HERC4: variants seen among roughly 807,000 people sequenced by gnomAD.
HERC4 encodes the protein HECT and RLD domain containing E3 ubiquitin protein ligase 4, also known as probable E3 ubiquitin-protein ligase HERC4.
In HERC4, 28 loss-of-function variants were observed where a neutral mutation model predicts 124.3. The ratio of observed to expected loss-of-function variants is 0.23; its 90% confidence interval spans 0.17 to 0.31. The LOEUF (loss-of-function observed/expected upper bound fraction) is 0.31. Among genes scored for constraint, HERC4 ranks in the 10% least tolerant of loss-of-function variants. HERC4 has a pLI of 1.00. For synonymous variants in HERC4, 407 were observed against 421.5 expected (o/e 0.97, Z 0.42); for missense variants, 713 against 1,229.3 (o/e 0.58, Z 6.28).
intron 19 of HERC4, among the ~76,000 whole-genome samples, chr10:67,949,802 G>A (rs1299877211): frequency 1.3e-5 from 2 of 152,196 alleles, no homozygotes; most frequent in Admixed American, 6.5e-5. Context: ...TGGATCACTT[G>A]AGGTCAGTAG....
intron 20 of HERC4, among the ~76,000 whole-genome samples, chr10:67,940,192 C>T (rs560809754): frequency 7.9e-5 from 12 of 152,220 alleles, no homozygotes; most frequent in Non-Finnish European, 1.6e-4. Flanking sequence ...TCCCAAAGTG[C>T]TAGGATTACA....
In HERC4 at chr10:68,006,387, T is replaced by G. The variant is rs568589196; in HGVS notation, c.1069+7639A>C. 1.3e-4 allele frequency among the ~76,000 whole-genome samples: 20 copies of G among 151,594 alleles called. No individual in the cohort carries two copies. In the East Asian group the frequency reaches 1.7e-3, roughly 13 times the overall value. On this transcript the variant is annotated intron_variant, in intron 9 of 24. Coordinates refer to ENST00000373700, the MANE Select transcript of HERC4 (RefSeq NM_015601.4). ...TGTTTTTGTTTTTGTTTTTTTTTTT[T>G]TTTTGAGACAGTTTCCTCTTGCTGT...
At chr10:68,002,901 T>A (rs2037315434) in intron 9 of HERC4, among the ~76,000 whole-genome samples, 1 of 151,698 alleles carries the variant, frequency 6.6e-6, no homozygotes, top group Non-Finnish European at 1.5e-5. Flanking sequence ...TGCCTAGCCT[T>A]ATTTTAATTT....
intron 24 of HERC4, among the ~76,000 whole-genome samples, chr10:67,923,901 G>C: frequency 6.6e-6 from 1 of 151,756 alleles, no homozygotes; most frequent in East Asian, 1.9e-4. Flanking sequence ...CATAAATTCT[G>C]ACAACTTTAA....
chr10:68,022,044 C>T (rs1057378193), intron 8 of HERC4, among the ~76,000 whole-genome samples: 3 of 151,984 alleles, frequency 2.0e-5, no homozygotes, highest in Non-Finnish European at 4.4e-5. Context: ...TAAAACCTAT[C>T]ATAAAGAATA....
At chr10:67,981,976 T>C (rs1334293800) in intron 15 of HERC4, among the ~76,000 whole-genome samples, 1 of 151,986 alleles carries the variant, frequency 6.6e-6, no homozygotes, top group Non-Finnish European at 1.5e-5. Context: ...TCAAAGAAAT[T>C]GAAGAGGACA....
At chr10:67,947,184 C>A (rs1401493081) in intron 19 of HERC4, among the ~76,000 whole-genome samples, 3 of 152,146 alleles carry the variant, frequency 2.0e-5, no homozygotes, top group Non-Finnish European at 4.4e-5. Context: ...TTGTTCTCTA[C>A]AACATACGGA....
chr10:68,029,694 A>T (rs995228441), intron 7 of HERC4, among the ~76,000 whole-genome samples: 2 of 147,536 alleles, frequency 1.4e-5, no homozygotes, highest in African/African-American at 4.9e-5. Flanking sequence ...TATTATATAT[A>T]TTTTTATTTA....
intron 21 of HERC4, among the ~76,000 whole-genome samples, chr10:67,937,029 G>A (rs1181568916): frequency 2.0e-5 from 3 of 152,082 alleles, no homozygotes; most frequent in Non-Finnish European, 4.4e-5. Context: ...TTCTAAACTA[G>A]AGGAAGTGTG....
intron 3 of HERC4, chr10:68,069,790 C>G: frequency 1.0e-6 from 1 of 975,094 alleles, no homozygotes; most frequent in Non-Finnish European, 1.2e-6. Flanking sequence ...CGCCTGTAAT[C>G]CCAGCACTCT....
intron 7 of HERC4, among the ~76,000 whole-genome samples, chr10:68,031,169 A>G (rs893447437): frequency 3.3e-5 from 5 of 152,202 alleles, no homozygotes; most frequent in Admixed American, 3.3e-4. Flanking sequence ...GAAGAATACA[A>G]AAGATTAAGA....
chr10:68,059,441 A>AATAATATTATATATT (rs2040718295), intron 3 of HERC4, among the ~76,000 whole-genome samples: 2 of 124,070 alleles, frequency 1.6e-5, no homozygotes, highest in Admixed American at 9.6e-5. Flanking sequence ...TCGCTATTAT[A>AATAATATTATATATT]ATAATATTAT....
chr10:67,970,148 A>C (rs1444066422), intron 15 of HERC4, among the ~76,000 whole-genome samples: 1 of 128,542 alleles, frequency 7.8e-6, no homozygotes, highest in Non-Finnish European at 1.6e-5. Flanking sequence ...TAGCAAATTA[A>C]AAATTCAATT....
At chr10:67,946,124 G>GT (rs933934373) in intron 19 of HERC4, among the ~76,000 whole-genome samples, 37 of 151,490 alleles carry the variant, frequency 2.4e-4, no homozygotes, top group African/African-American at 8.5e-4. Flanking sequence ...ATGGTGGCAC[G>GT]TGCCTATAGT....
At chr10:67,990,628 C>T (rs1453034974) in intron 13 of HERC4, among the ~76,000 whole-genome samples, 1 of 152,022 alleles carries the variant, frequency 6.6e-6, no homozygotes, top group Non-Finnish European at 1.5e-5. Flanking sequence ...TAAAAAATCA[C>T]GTGTACAAGT....
chr10:67,983,093 AAAC>A (rs1255037682), intron 15 of HERC4, among the ~76,000 whole-genome samples: 1 of 152,000 alleles, frequency 6.6e-6, no homozygotes, highest in East Asian at 1.9e-4. Context: ...AAAAAAAACA[AAAC>A]AAAAACAAAC....
rs183692947 is a variant in HERC4, at chr10:67,968,496, C to T, written c.1807-1694G>A. 2.0e-3 allele frequency among the ~76,000 whole-genome samples: 306 copies of T among 151,970 alleles called. 2 individuals are homozygous for T. Among genetic ancestry groups the T allele is most frequent in the African/African-American group, 7.0e-3 (291 of 41,440 alleles). ...CATGCCATTCTCCTGCCACAGCCTCCTGAGTAGCTGGGACTACAGGCGCCC... is the reference window on the plus strand; with the variant it reads ...CATGCCATTCTCCTGCCACAGCCTCTTGAGTAGCTGGGACTACAGGCGCCC... On this transcript the variant is annotated intron_variant, in intron 15 of 24. Transcript: ENST00000373700.
At chr10:68,023,040 A>C (rs2038723814) in intron 8 of HERC4, among the ~76,000 whole-genome samples, 1 of 152,098 alleles carries the variant, frequency 6.6e-6, no homozygotes, top group Admixed American at 6.5e-5. Context: ...ATGAGAAAAT[A>C]ACAGTGTTGG....
At chr10:68,058,984 T>C (rs2040692016) in intron 3 of HERC4, among the ~76,000 whole-genome samples, 1 of 152,152 alleles carries the variant, frequency 6.6e-6, no homozygotes, top group Admixed American at 6.6e-5. Context: ...TGTTATTACT[T>C]GTATATATCC....
Sources: allele counts gnomAD v4.1 joint callset (sites outside exome capture counted in the v4.1 genomes callset), GRCh38; gene constraint gnomAD v4.1.1; transcripts MANE v1.5; gene names NCBI Gene and HGNC (gene_info 2026-07-23, HGNC 2026-07-21).